Variants in PEAK1 observed in about 807,000 individuals in gnomAD.
PEAK1 encodes inactive tyrosine-protein kinase PEAK1.
PEAK1 carries 54 observed loss-of-function variants against 124.7 expected under a neutral mutation model. The observed-to-expected ratio is 0.43, with a 90% CI of 0.35 to 0.54. PEAK1 has a LOEUF of 0.54. PEAK1 is among the 20% of genes least tolerant of loss of function. The probability of loss-of-function intolerance (pLI) is 0.01; values close to 1 mark genes in which losing one functional copy is unlikely to be tolerated. For synonymous variants in PEAK1, 719 were observed against 760.0 expected, an observed-to-expected ratio of 0.95 and a Z score of 0.89; for missense variants, 2,046 against 2,134.5, an observed-to-expected ratio of 0.96 and a Z score of 0.82.
In PEAK1 at chr15:77,158,485, T is replaced by C. The variant is rs777177028; in HGVS notation, c.3331+18A>G. ...AAAGGCAAAGTTTAAATACTACTTA[T>C]TGGACATTTGCACTTACCTAAGTTG... is the stretch of plus-strand genomic sequence containing the variant. On this transcript the variant is annotated intron_variant, in intron 8 of 9. Transcript: ENST00000682557. 1.2e-4 allele frequency: 195 copies of C among 1,607,254 alleles called. No individual in the cohort carries two copies. Among genetic ancestry groups the C allele is most frequent in the Non-Finnish European group, 1.5e-4 (178 of 1,174,070 alleles).
At chr15:77,241,342 A>G (rs1487042334) in intron 6 of PEAK1, among the ~76,000 whole-genome samples, 37 of 152,114 alleles carry the variant, frequency 2.4e-4, no homozygotes, top group Admixed American at 2.4e-3. Context: ...AACATAATTA[A>G]AGGGCACCTA....
chr15:77,385,458 C>A (rs1244676429), intron 1 of PEAK1, among the ~76,000 whole-genome samples: 1 of 152,130 alleles, frequency 6.6e-6, no homozygotes, highest in East Asian at 1.9e-4. Flanking sequence ...AAACAAATAT[C>A]TGAGGAATAA....
intron 1 of PEAK1, among the ~76,000 whole-genome samples, chr15:77,388,807 A>AG (rs1217715913): frequency 4.1e-5 from 1 of 24,368 alleles, no homozygotes; most frequent in Non-Finnish European, 2.0e-4. Flanking sequence ...TTCACACTAC[A>AG]AAAAAAAAAA....
intron 2 of PEAK1, among the ~76,000 whole-genome samples, chr15:77,289,832 AAAAG>A (rs983080158): frequency 6.6e-6 from 1 of 152,188 alleles, no homozygotes; most frequent in Non-Finnish European, 1.5e-5. Flanking sequence ...CTCTGTCTCA[AAAAG>A]AAAGAAAGAA....
At chr15:77,380,514 T>G (rs551979874) in intron 1 of PEAK1, among the ~76,000 whole-genome samples, 1 of 152,186 alleles carries the variant, frequency 6.6e-6, no homozygotes, top group East Asian at 1.9e-4. Context: ...GTTCTTACTC[T>G]GCTACCCAGC....
intron 2 of PEAK1, among the ~76,000 whole-genome samples, chr15:77,319,052 G>A (rs1245272375): frequency 6.6e-6 from 1 of 152,140 alleles, no homozygotes; most frequent in Non-Finnish European, 1.5e-5. Context: ...AGGATCCAAA[G>A]AAGACTGTCT....
At chr15:77,322,671 T>G (rs999782068) in intron 2 of PEAK1, among the ~76,000 whole-genome samples, 1 of 152,114 alleles carries the variant, frequency 6.6e-6, no homozygotes, top group Admixed American at 6.6e-5. Flanking sequence ...CAGGACCAGA[T>G]GGATTCACAG....
chr15:77,352,453 G>A (rs1219773654), intron 2 of PEAK1: 2 of 985,274 alleles, frequency 2.0e-6, no homozygotes, highest in East Asian at 2.3e-4. Flanking sequence ...AAGGGGAGAT[G>A]AGGGACAGCT....
intron 2 of PEAK1, chr15:77,350,022 A>G (rs1204507872): frequency 1.0e-6 from 1 of 985,076 alleles, no homozygotes; most frequent in Non-Finnish European, 1.2e-6. Flanking sequence ...GAAGACATAG[A>G]ACAGCAATGT....
At chr15:77,173,617 C>T (rs1476588311) in intron 7 of PEAK1, among the ~76,000 whole-genome samples, 3 of 152,200 alleles carry the variant, frequency 2.0e-5, no homozygotes, top group Non-Finnish European at 4.4e-5. Context: ...TCCCCATCAA[C>T]CCCACCTCAC....
chr15:77,219,354 G>A (rs554634009), intron 6 of PEAK1, among the ~76,000 whole-genome samples: 4 of 152,072 alleles, frequency 2.6e-5, no homozygotes, highest in Non-Finnish European at 4.4e-5. Context: ...AAGTTATTTG[G>A]AGGGAGTGTA....
intron 6 of PEAK1, among the ~76,000 whole-genome samples, chr15:77,219,750 C>T (rs1351807368): frequency 6.6e-6 from 1 of 152,008 alleles, no homozygotes; most frequent in Non-Finnish European, 1.5e-5. Flanking sequence ...TTCTGGCTAC[C>T]ATTACTGCAA....
chr15:77,341,735 T>A (rs1212434628), intron 2 of PEAK1, among the ~76,000 whole-genome samples: 3 of 152,084 alleles, frequency 2.0e-5, no homozygotes, highest in Admixed American at 6.5e-5. Context: ...CAAGTTTACA[T>A]AACAAAGATA....
intron 9 of PEAK1, among the ~76,000 whole-genome samples, chr15:77,117,772 T>C (rs1315960554): frequency 2.0e-5 from 3 of 152,124 alleles, no homozygotes; most frequent in Admixed American, 6.5e-5. Flanking sequence ...TTTTTAACTA[T>C]GTCAAGTCAG....
At chr15:77,341,813 C>A in intron 2 of PEAK1, among the ~76,000 whole-genome samples, 1 of 151,958 alleles carries the variant, frequency 6.6e-6, no homozygotes, top group East Asian at 1.9e-4. Context: ...AAAGACAAGA[C>A]AAATTATTTA....
At chr15:77,222,274 G>A (rs552815777) in intron 6 of PEAK1, among the ~76,000 whole-genome samples, 1 of 151,942 alleles carries the variant, frequency 6.6e-6, no homozygotes, top group East Asian at 1.9e-4. Context: ...CTCTCTTCTT[G>A]TTTGCTGCCT....
At chr15:77,159,073 T>C in intron 7 of PEAK1, among the ~76,000 whole-genome samples, 2 of 152,328 alleles carry the variant, frequency 1.3e-5, no homozygotes, top group South Asian at 4.1e-4. Flanking sequence ...ATTATAGTAT[T>C]CTAATACTAT....
chr15:77,158,513 G>T lies in PEAK1; in HGVS notation c.3321C>A (p.Tyr1107Ter). The change falls in exon 8 of 10, where the codon TAC becomes TAA. Residue 1107 changes from tyrosine (Y) to a stop codon, truncating the protein, a stop_gained. Transcript: ENST00000682557. LOFTEE classifies it high-confidence loss of function. ...PMDPNPCSATYSNLGQSRAAM... is the reference protein window; with the variant it reads ...PMDPNPCSAT ...GACATTTGCACTTACCTAAGTTGCT[G>T]TATGTTGCACTACAAGGGTTCGGGT... 1 of 1,613,946 alleles carries T rather than the reference G, an allele frequency of 6.2e-7. No homozygotes were observed. The highest frequency in any genetic ancestry group is 8.5e-7 in the Non-Finnish European group (1 of 1,179,826).
At chr15:77,350,999 G>C (rs1207266573) in intron 2 of PEAK1, 3 of 938,338 alleles carry the variant, frequency 3.2e-6, no homozygotes. Flanking sequence ...TTGTGTACTA[G>C]GCACTATTGG....
Sources: allele counts gnomAD v4.1 joint callset (sites outside exome capture counted in the v4.1 genomes callset), GRCh38; gene constraint gnomAD v4.1.1; transcripts MANE v1.5; gene names NCBI Gene and HGNC (gene_info 2026-07-23, HGNC 2026-07-21).